ESRRG: variants seen among roughly 807,000 people sequenced by gnomAD.
ESRRG encodes estrogen-related receptor gamma.
ESRRG carries 13 observed loss-of-function variants against 44.0 expected under a neutral mutation model. That is an observed-to-expected ratio of 0.30 (90% CI 0.19 to 0.47). The LOEUF (loss-of-function observed/expected upper bound fraction) is 0.47, where lower values mean the gene tolerates loss of function less well. Among genes scored for constraint, ESRRG ranks in the 20% least tolerant of loss-of-function variants. ESRRG has a pLI of 1.00. For synonymous variants in ESRRG, 215 were observed against 214.6 expected, an observed-to-expected ratio of 1.00 and a Z score of -0.02; for missense variants, 395 against 580.6, an observed-to-expected ratio of 0.68 and a Z score of 3.29.
chr1:216,539,948 T>A (rs1033365015), intron 5 of ESRRG, among the ~76,000 whole-genome samples: 2 of 152,036 alleles, frequency 1.3e-5, no homozygotes, highest in African/African-American at 4.8e-5. Flanking sequence ...TTACTTTAAA[T>A]TTTAATTTTA....
chr1:216,804,260 C>T (rs1291576513), intron 2 of ESRRG, among the ~76,000 whole-genome samples: 1 of 152,096 alleles, frequency 6.6e-6, no homozygotes, highest in East Asian at 1.9e-4. Flanking sequence ...AGCCTAACAA[C>T]CCCGGGCCGG....
At chr1:217,036,065 C>T (rs990203449) in intron 1 of ESRRG, among the ~76,000 whole-genome samples, 4 of 152,138 alleles carry the variant, frequency 2.6e-5, no homozygotes, top group East Asian at 1.9e-4. Context: ...AAGAAAAGCT[C>T]AACTTCACTG....
At position 217,105,771 on chromosome 1, in the gene ESRRG, C is replaced by A. The variant is rs139916993; in HGVS notation, c.-230+31896G>T. Reference sequence around the variant, plus strand: ...CCTAGCACCTGCCCCATTCTAGTAGCCATCCCTGTGTCTCAAGTCTCAGTG... The same window carrying A: ...CCTAGCACCTGCCCCATTCTAGTAGACATCCCTGTGTCTCAAGTCTCAGTG... On this transcript the variant is annotated intron_variant, in intron 1 of 8. Transcript: ENST00000366940. Among the ~76,000 whole-genome samples the A allele has an allele frequency of 6.8e-3, 1,030 of 152,262 alleles. 15 individuals carry two copies. Among genetic ancestry groups the A allele is most frequent in the African/African-American group, 0.024 (991 of 41,542 alleles).
chr1:217,064,965 T>C (rs558098298), intron 1 of ESRRG, among the ~76,000 whole-genome samples: 1 of 152,288 alleles, frequency 6.6e-6, no homozygotes, highest in East Asian at 1.9e-4. Context: ...AAAGAAATTA[T>C]AGTCCCTCCT....
At chr1:217,024,947 G>A (rs1163507179) in intron 1 of ESRRG, among the ~76,000 whole-genome samples, 5 of 152,168 alleles carry the variant, frequency 3.3e-5, no homozygotes, top group Non-Finnish European at 5.9e-5. Flanking sequence ...TACATAGGAG[G>A]AAACTGAGGC....
intron 1 of ESRRG, among the ~76,000 whole-genome samples, chr1:216,691,075 T>C (rs1685240613): frequency 2.6e-5 from 4 of 152,198 alleles, no homozygotes; most frequent in Admixed American, 2.6e-4. Flanking sequence ...CTTTAGGAAA[T>C]CTGCAATGTG....
chr1:216,900,397 G>A (rs765881045), intron 2 of ESRRG, among the ~76,000 whole-genome samples: 2 of 152,134 alleles, frequency 1.3e-5, no homozygotes, highest in African/African-American at 4.8e-5. Context: ...GGAAGATATC[G>A]CCCACTCATG....
chr1:217,069,402 TATAG>T (rs529601546), intron 1 of ESRRG, among the ~76,000 whole-genome samples: 115 of 147,794 alleles, frequency 7.8e-4, no homozygotes, highest in Non-Finnish European at 8.2e-4. Context: ...AGTGTATGTA[TATAG>T]ATAGATAGAC....
intron 1 of ESRRG, among the ~76,000 whole-genome samples, chr1:217,030,714 G>A (rs2081950167): frequency 6.6e-6 from 1 of 152,166 alleles, no homozygotes; most frequent in Non-Finnish European, 1.5e-5. Flanking sequence ...CATGTTCCAG[G>A]GTTGTGTTGT....
chr1:216,909,361 T>A (rs2060058854), intron 2 of ESRRG, among the ~76,000 whole-genome samples: 1 of 152,176 alleles, frequency 6.6e-6, no homozygotes, highest in Non-Finnish European at 1.5e-5. Context: ...CTGGTGGTTA[T>A]GAGTTACCAA....
intron 1 of ESRRG, among the ~76,000 whole-genome samples, chr1:217,126,258 G>GA (rs1366122155): frequency 2.6e-5 from 4 of 152,072 alleles, no homozygotes; most frequent in East Asian, 3.9e-4. Flanking sequence ...CACCATGTAG[G>GA]AAAAAAGTAT....
intron 3 of ESRRG, among the ~76,000 whole-genome samples, chr1:216,615,563 A>G (rs1371204801): frequency 1.3e-5 from 2 of 152,168 alleles, no homozygotes; most frequent in Non-Finnish European, 2.9e-5. Flanking sequence ...CTGGTACTGA[A>G]AAGTCAACTC....
At chr1:216,890,467 C>A (rs377250384) in intron 2 of ESRRG, among the ~76,000 whole-genome samples, 1 of 152,040 alleles carries the variant, frequency 6.6e-6, no homozygotes, top group African/African-American at 2.4e-5. Flanking sequence ...CAATACAATT[C>A]CAACTTTATT....
intron 3 of ESRRG, among the ~76,000 whole-genome samples, chr1:216,573,621 A>G (rs941735063): frequency 6.6e-6 from 1 of 151,930 alleles, no homozygotes; most frequent in Non-Finnish European, 1.5e-5. Flanking sequence ...ATGACAGCCA[A>G]ATAATAATAC....
intron 2 of ESRRG, among the ~76,000 whole-genome samples, chr1:216,667,685 C>CAAAAAAA (rs67275285): frequency 6.0e-5 from 4 of 66,226 alleles, no homozygotes; most frequent in African/African-American, 1.3e-4. Flanking sequence ...GACTCCATCT[C>CAAAAAAA]AAAAAAAAAA....
Position 216,506,324 on chromosome 1 carries a change from T to C in ESRRG, c.*615A>G. On this transcript the variant is annotated 3_prime_UTR_variant, in exon 7 of 7. Coordinates refer to ENST00000408911, the MANE Select transcript of ESRRG (RefSeq NM_001438.4). ...ACAGTATGGTTCACAATAAGTTCAC[T>C]GGCATCCATATTATGGATCTCCATC... The C allele has an allele frequency of 3.8e-6, 1 of 266,452 alleles. No individual in the cohort carries two copies. Among genetic ancestry groups the C allele is most frequent in the Non-Finnish European group, 7.4e-6 (1 of 135,432 alleles). 16.5% of individuals were successfully genotyped at this position (266,452 alleles called of 1,614,324 possible). A position where few individuals can be genotyped will look rare whatever the true frequency, so the allele number is the denominator to read the frequency against.
At chr1:216,665,997 C>A (rs766443874) in intron 2 of ESRRG, among the ~76,000 whole-genome samples, 5 of 152,078 alleles carry the variant, frequency 3.3e-5, no homozygotes, top group Non-Finnish European at 7.4e-5. Context: ...CACATCACTG[C>A]CCTGGGCTTT....
In ESRRG at chr1:216,723,394, C is replaced by T. The variant is rs1383758001; in HGVS notation, c.-95G>A. On this transcript the variant is annotated 5_prime_UTR_variant, in exon 1 of 7. Transcript: ENST00000408911. Reference sequence around the variant, plus strand: ...ATTAACACAAATGTTCTCCTAGTGACAAGCCTATAGGCACAGCCAGTTGGG... The same window carrying T: ...ATTAACACAAATGTTCTCCTAGTGATAAGCCTATAGGCACAGCCAGTTGGG... The T allele has an allele frequency of 8.3e-7, 1 of 1,211,552 alleles. No homozygotes were observed. Among genetic ancestry groups the T allele is most frequent in the East Asian group, 2.4e-5 (1 of 42,444 alleles). The allele number at this position is 1,211,552 out of a possible 1,614,324, so 75.1% of individuals were successfully genotyped here.
intron 6 of ESRRG, among the ~76,000 whole-genome samples, chr1:216,508,289 T>G (rs905709872): frequency 6.6e-6 from 1 of 152,152 alleles, no homozygotes; most frequent in Non-Finnish European, 1.5e-5. Flanking sequence ...TCTTAAAAAT[T>G]TATTTGTATT....
Sources: allele counts gnomAD v4.1 joint callset (sites outside exome capture counted in the v4.1 genomes callset), GRCh38; gene constraint gnomAD v4.1.1; transcripts MANE v1.5; gene names NCBI Gene and HGNC (gene_info 2026-07-23, HGNC 2026-07-21).